The following DMD variants were observed in gnomAD, a reference collection of about 807,000 sequenced individuals.
DMD encodes dystrophin.
DMD carries 63 observed loss-of-function variants against 330.1 expected under a neutral mutation model. The ratio of observed to expected loss-of-function variants is 0.19; its 90% CI spans 0.16 to 0.24. The LOEUF (loss-of-function observed/expected upper bound fraction) is 0.24, where lower values mean the gene tolerates loss of function less well. Ranked by LOEUF, DMD falls within the 10% of genes least tolerant of loss-of-function variation. The pLI, the probability that DMD is intolerant of heterozygous loss-of-function variation, is 1.00. For missense variants in DMD, 3,344 were observed against 2,684.1 expected (o/e 1.25, Z -5.43); for synonymous variants, 1,223 against 959.8 (o/e 1.27, Z -5.07).
intron 25 of DMD, among the ~76,000 whole-genome samples, chrX:32,455,832 T>C (rs1246331025): frequency 9.0e-6 from 1 of 111,402 alleles, no homozygotes; most frequent in African/African-American, 3.3e-5. Flanking sequence ...AGTCTGTCTG[T>C]GGTTATAGAA....
chrX:32,256,910 G>A (rs1017612771), intron 43 of DMD, among the ~76,000 whole-genome samples: 1 of 111,106 alleles, frequency 9.0e-6, no homozygotes, highest in African/African-American at 3.3e-5. Context: ...TTCCCTTTGT[G>A]GGTAACCCAG....
intron 44 of DMD, among the ~76,000 whole-genome samples, chrX:32,097,800 T>C (rs1353780114): frequency 8.9e-6 from 1 of 112,034 alleles, no homozygotes; most frequent in Non-Finnish European, 1.9e-5. Flanking sequence ...GTTCAGAAAA[T>C]GTTTTCTTCC....
chrX:32,041,148 G>A (rs1163186467), intron 44 of DMD, among the ~76,000 whole-genome samples: 1 of 112,286 alleles, frequency 8.9e-6, no homozygotes, highest in Non-Finnish European at 1.9e-5. Context: ...GATTAATCTT[G>A]CATTTCCCGG....
At chrX:32,385,099 G>A (rs780383375) in intron 33 of DMD, among the ~76,000 whole-genome samples, 1 of 110,769 alleles carries the variant, frequency 9.0e-6, no homozygotes, top group South Asian at 3.8e-4. Flanking sequence ...AATAGCCAAA[G>A]CAATCTTAAG....
At chrX:31,800,847 G>A (rs2092027461) in intron 50 of DMD, among the ~76,000 whole-genome samples, 1 of 111,481 alleles carries the variant, frequency 9.0e-6, no homozygotes, top group Non-Finnish European at 1.9e-5. Flanking sequence ...CAGTTCCCAA[G>A]AAGTTCCTAA....
At chrX:32,711,647 C>A (rs754092674) in intron 7 of DMD, among the ~76,000 whole-genome samples, 6 of 112,004 alleles carry the variant, frequency 5.4e-5, no homozygotes, top group African/African-American at 1.9e-4. Flanking sequence ...AAAACTAAAA[C>A]AGTACAGACG....
intron 53 of DMD, among the ~76,000 whole-genome samples, chrX:31,659,495 C>T (rs182863232): frequency 2.2e-4 from 24 of 107,863 alleles, no homozygotes; most frequent in Non-Finnish European, 3.6e-4. Context: ...AAAAATTAGC[C>T]GGGTGTGCTG....
At chrX:31,420,134 A>G (rs1344015563) in intron 60 of DMD, among the ~76,000 whole-genome samples, 2 of 112,473 alleles carry the variant, frequency 1.8e-5, no homozygotes, top group Admixed American at 1.9e-4. Flanking sequence ...AAAATACACT[A>G]TTGTTTTGTT....
At chrX:32,110,522 T>C (rs2096584689) in intron 44 of DMD, among the ~76,000 whole-genome samples, 2 of 111,879 alleles carry the variant, frequency 1.8e-5, no homozygotes. Context: ...AGGAGTTCTA[T>C]CAATTTGTGG....
intron 59 of DMD, among the ~76,000 whole-genome samples, chrX:31,452,542 C>A (rs896567099): frequency 1.2e-4 from 13 of 111,848 alleles, no homozygotes; most frequent in Non-Finnish European, 2.1e-4. Context: ...GAGATTGCAA[C>A]ATTGCACTCC....
intron 12 of DMD, among the ~76,000 whole-genome samples, chrX:32,612,976 C>G (rs905136034): frequency 3.6e-5 from 4 of 110,845 alleles, no homozygotes; most frequent in African/African-American, 1.3e-4. Flanking sequence ...AACTGTAAAG[C>G]TATATATGAC....
At chrX:32,682,720 T>C (rs942188603) in intron 9 of DMD, among the ~76,000 whole-genome samples, 3 of 112,129 alleles carry the variant, frequency 2.7e-5, no homozygotes, top group African/African-American at 9.7e-5. Flanking sequence ...TTCATATTTA[T>C]TTCCAGCTTT....
In DMD at chrX:31,363,951, C is replaced by CAGAT. The variant is rs200942533; in HGVS notation, c.9085-15321_9085-15318dup. ...ACTTTCACCCTCTACTTCATATACA[C>CAGAT]AGATATTGATGTTTGAGATAAGAGA... is the stretch of plus-strand genomic sequence containing the variant. On this transcript the variant is annotated intron_variant, in intron 60 of 78. Transcript: ENST00000357033. Among the ~76,000 whole-genome samples, 1,627 of 112,517 alleles carry CAGAT rather than the reference C, an allele frequency of 0.014. 29 individuals carry two copies. The highest frequency in any genetic ancestry group is 0.05 in the African/African-American group (1,538 of 30,923).
At chrX:31,585,413 C>G (rs1226511931) in intron 55 of DMD, among the ~76,000 whole-genome samples, 1 of 108,106 alleles carries the variant, frequency 9.3e-6, no homozygotes, top group African/African-American at 3.4e-5. Flanking sequence ...ACTTGCCGAA[C>G]CAGTCTAAGA....
In DMD at chrX:32,452,408, AGGGAAAG is replaced by A. The variant is rs1245166714; in HGVS notation, c.3603+2247_3603+2253del. Reference sequence around the variant, plus strand: ...GAAAGGGAAAGGGAAGGGAAAGGAAAGGGAAAGGGAAAGGGAAAGGGAAAGGGAAAGG... The same window carrying A: ...GAAAGGGAAAGGGAAGGGAAAGGAAAGGAAAGGGAAAGGGAAAGGGAAAGG... On this transcript the variant is annotated intron_variant, in intron 26 of 78. Transcript: ENST00000357033. Among the ~76,000 whole-genome samples the A allele has an allele frequency of 2.9e-4, 7 of 24,466 alleles. 1 individual carries two copies. Among genetic ancestry groups the A allele is most frequent in the Non-Finnish European group, 3.9e-4 (5 of 12,901 alleles). The allele number at this position is 24,466 out of a possible 115,157, so 21.2% of individuals were successfully genotyped here. A position where few individuals can be genotyped will look rare whatever the true frequency, so the allele number is the denominator to read the frequency against.
At chrX:32,214,602 A>G (rs2070233937) in intron 44 of DMD, among the ~76,000 whole-genome samples, 1 of 111,684 alleles carries the variant, frequency 9.0e-6, no homozygotes, top group South Asian at 3.8e-4. Context: ...GAAAAATTTT[A>G]TCATTCACAG....
intron 60 of DMD, among the ~76,000 whole-genome samples, chrX:31,372,414 G>A (rs1222226227): frequency 8.9e-6 from 1 of 111,732 alleles, no homozygotes; most frequent in Non-Finnish European, 1.9e-5. Flanking sequence ...ATGAATTGAA[G>A]GACATAGTTC....
At chrX:31,219,461 A>C (rs1408409294) in intron 64 of DMD, among the ~76,000 whole-genome samples, 1 of 111,025 alleles carries the variant, frequency 9.0e-6, no homozygotes, top group African/African-American at 3.3e-5. Context: ...TCCTGCTGTT[A>C]ACTGCGTTGC....
intron 45 of DMD, among the ~76,000 whole-genome samples, chrX:31,952,780 A>G (rs1033449133): frequency 1.8e-5 from 2 of 111,800 alleles, no homozygotes; most frequent in Non-Finnish European, 3.8e-5. Context: ...ATTTTTCTTG[A>G]AAATTTGACA....
Sources: allele counts gnomAD v4.1 joint callset (sites outside exome capture counted in the v4.1 genomes callset), GRCh38; gene constraint gnomAD v4.1.1; transcripts MANE v1.5; gene names NCBI Gene and HGNC (gene_info 2026-07-23, HGNC 2026-07-21).